The following TBC1D19 variants were observed in gnomAD, a reference collection of about 807,000 sequenced individuals.
TBC1D19 encodes the protein TBC1 domain family member 19, also known as TBC1 domain family, member 19.
TBC1D19 carries 60 observed loss-of-function variants against 89.0 expected under a neutral mutation model. That is an observed-to-expected ratio of 0.67 (90% confidence interval 0.55 to 0.84). The LOEUF is 0.84. TBC1D19 is among the 40% of genes least tolerant of loss of function. The pLI, the probability that TBC1D19 is intolerant of heterozygous loss-of-function variation, is 0.00. For synonymous variants in TBC1D19, 189 were observed against 199.7 expected (o/e 0.95, Z 0.45); for missense variants, 500 against 610.8 (o/e 0.82, Z 1.91).
chr4:26,802,142 A>G, the TBC1D19 span, among the ~76,000 whole-genome samples: 2 of 152,216 alleles, frequency 1.3e-5, no homozygotes, highest in Non-Finnish European at 2.9e-5. Flanking sequence ...ACACAGAAGT[A>G]TACTACCTTG....
intron 7 of TBC1D19, among the ~76,000 whole-genome samples, chr4:26,650,298 A>G (rs1744273083): frequency 6.6e-6 from 1 of 152,132 alleles, no homozygotes; most frequent in African/African-American, 2.4e-5. Context: ...ACTGACTTCC[A>G]CAATGGTTGA....
intron 4 of TBC1D19, among the ~76,000 whole-genome samples, chr4:26,623,168 A>G (rs906403566): frequency 2.0e-5 from 3 of 152,236 alleles, no homozygotes; most frequent in Middle Eastern, 3.4e-3. Context: ...CTTACGTTTC[A>G]TAATCTCTTC....
At chr4:26,822,840 T>C in the TBC1D19 span, among the ~76,000 whole-genome samples, 1 of 152,228 alleles carries the variant, frequency 6.6e-6, no homozygotes, top group African/African-American at 2.4e-5. Flanking sequence ...TGTCAGACTC[T>C]TGTAGAGACA....
At chr4:26,758,929 G>A (rs1490777240), downstream of TBC1D19, among the ~76,000 whole-genome samples, 1 of 152,122 alleles carries the variant, frequency 6.6e-6, no homozygotes, top group Non-Finnish European at 1.5e-5. Context: ...GACCTTACAA[G>A]GATAAATTGT....
intron 1 of TBC1D19, 74 bp from the exon 2 acceptor site, chr4:26,613,095 A>G: frequency 2.8e-6 from 3 of 1,081,490 alleles, no homozygotes; most frequent in Non-Finnish European, 4.0e-6. Context: ...TGTTCTAAAT[A>G]TCAACCCAAA....
chr4:26,647,368 T>A (rs113457053), intron 7 of TBC1D19, among the ~76,000 whole-genome samples: 1,553 of 152,302 alleles, frequency 0.01, 17 homozygotes, highest in African/African-American at 0.034. Context: ...TTCATACGTT[T>A]GATTTCACTC....
upstream of TBC1D19, chr4:26,583,778 A>T (rs1380549452): frequency 2.7e-5 from 5 of 185,376 alleles, no homozygotes; most frequent in African/African-American, 1.2e-4. Flanking sequence ...TCGCAGTATC[A>T]TTGCGTGCCA....
chr4:26,761,920 A>G, the TBC1D19 span, among the ~76,000 whole-genome samples: 4 of 152,286 alleles, frequency 2.6e-5, no homozygotes, highest in African/African-American at 7.2e-5. Context: ...TGAGATCAGG[A>G]GTTTGAGACC....
At chr4:26,664,168 TTG>T (rs1475935222) in intron 8 of TBC1D19, among the ~76,000 whole-genome samples, 1 of 152,104 alleles carries the variant, frequency 6.6e-6, no homozygotes, top group African/African-American at 2.4e-5. Flanking sequence ...TATGATGTGA[TTG>T]TGTGCTTGGG....
rs199880000 is a variant in TBC1D19, at chr4:26,586,281, T to TACAC, written c.99+2001_99+2004dup. On this transcript the variant is annotated intron_variant, in intron 1 of 20. Coordinates refer to ENST00000264866, the MANE Select transcript of TBC1D19 (RefSeq NM_018317.4). ...CTTGGCACCTTTGTCGAAAATCAAT[T>TACAC]ACACACACACACACAAAATTTCTGG... Among the ~76,000 whole-genome samples, 38 of 151,480 alleles carry TACAC rather than the reference T, an allele frequency of 2.5e-4. No individual in the cohort carries two copies. The East Asian group carries it at 6.2e-3, about 25-fold the overall frequency.
At chr4:26,707,760 C>G (rs1414554870) in intron 13 of TBC1D19, among the ~76,000 whole-genome samples, 2 of 151,312 alleles carry the variant, frequency 1.3e-5, no homozygotes, top group Non-Finnish European at 3.0e-5. Context: ...ATTTAACAAC[C>G]TAAAATTGTA....
At chr4:26,591,266 G>A (rs1482774010) in intron 1 of TBC1D19, among the ~76,000 whole-genome samples, 4 of 151,714 alleles carry the variant, frequency 2.6e-5, no homozygotes, top group Admixed American at 2.6e-4. Flanking sequence ...TTATTGTATA[G>A]ATGTACCACA....
chr4:26,722,329 GTTC>G (rs1457344982), intron 15 of TBC1D19, among the ~76,000 whole-genome samples: 2 of 152,032 alleles, frequency 1.3e-5, no homozygotes, highest in Non-Finnish European at 2.9e-5. Context: ...ATGGACTCAA[GTTC>G]TTCTCTCCAT....
At position 26,593,817 on chromosome 4, in the gene TBC1D19, G is replaced by A. The variant is rs534757279; in HGVS notation, c.99+9525G>A. On this transcript the variant is annotated intron_variant, in intron 1 of 20. Transcript: ENST00000264866. ...ACCATCTCACACCAGTTAGAATGGC[G>A]ATCATTAAAAAGTCAGGAAACAACA... 1.7e-3 allele frequency among the ~76,000 whole-genome samples: 258 copies of A among 152,178 alleles called. 2 individuals carry two copies. Among genetic ancestry groups the A allele is most frequent in the African/African-American group, 4.6e-3 (191 of 41,524 alleles).
At chr4:26,656,981 T>TCTCCTTCTCCTTCTCCTTCTC (rs1479076361) in intron 7 of TBC1D19, among the ~76,000 whole-genome samples, 17 of 7,164 alleles carry the variant, frequency 2.4e-3, no homozygotes, top group East Asian at 0.017. Flanking sequence ...TTCTTCTTCT[T>TCTCCTTCTCCTTCTCCTTCTC]CTTCTTCTTC....
At chr4:26,635,675 G>A (rs1743078383) in intron 4 of TBC1D19, among the ~76,000 whole-genome samples, 1 of 152,046 alleles carries the variant, frequency 6.6e-6, no homozygotes, top group Non-Finnish European at 1.5e-5. Flanking sequence ...GTAGAAATAT[G>A]TTTAATTATT....
chr4:26,639,098 G>C (rs1164112631), intron 6 of TBC1D19, among the ~76,000 whole-genome samples: 2 of 152,138 alleles, frequency 1.3e-5, no homozygotes, highest in Non-Finnish European at 2.9e-5. Flanking sequence ...ACCTGTGCTG[G>C]AGTACAGTAG....
At chr4:26,689,061 C>G (rs2109160599) in intron 13 of TBC1D19, among the ~76,000 whole-genome samples, 1 of 152,054 alleles carries the variant, frequency 6.6e-6, no homozygotes, top group East Asian at 1.9e-4. Flanking sequence ...AAATTGGTCC[C>G]TGCTGTTTGT....
chr4:26,842,632 CTTTCTTTCTTTCTTTT>C, the TBC1D19 span, among the ~76,000 whole-genome samples: 15 of 126,348 alleles, frequency 1.2e-4, no homozygotes, highest in African/African-American at 4.5e-4. Flanking sequence ...TTCTTTCTTT[CTTTCTTTCTTTCTTTT>C]TCTTTCTTCT....
Sources: allele counts gnomAD v4.1 joint callset (sites outside exome capture counted in the v4.1 genomes callset), GRCh38; gene constraint gnomAD v4.1.1; transcripts MANE v1.5; gene names NCBI Gene and HGNC (gene_info 2026-07-23, HGNC 2026-07-21).